The following SERPINA7 variants were observed in gnomAD, a reference collection of about 807,000 sequenced individuals.
SERPINA7 encodes the protein serpin family A member 7.
Under a neutral mutation model 16.0 loss-of-function variants are expected in SERPINA7, and 14 were observed. That is an observed-to-expected ratio of 0.88 (90% CI 0.58 to 1.37). The LOEUF is 1.37. SERPINA7 is among the 40% of genes most tolerant of loss of function. The probability of loss-of-function intolerance (pLI) is 0.00; values close to 1 mark genes in which losing one functional copy is unlikely to be tolerated. For synonymous variants in SERPINA7, 140 were observed against 111.0 expected (o/e 1.26, Z -1.65); for missense variants, 335 against 296.6 (o/e 1.13, Z -0.95).
intron 1 of SERPINA7, among the ~76,000 whole-genome samples, chrX:106,038,259 C>T (rs184047919): frequency 9.0e-6 from 1 of 111,710 alleles, no homozygotes; most frequent in African/African-American, 3.3e-5. Flanking sequence ...ATAGAGACAC[C>T]TAAGCCAGAT....
chrX:106,036,663 A>C lies in SERPINA7; in HGVS notation c.396T>G (p.Asn132Lys). 1 of 1,211,051 alleles carries C rather than the reference A, an allele frequency of 8.3e-7. No homozygotes were observed. The highest frequency in any genetic ancestry group is 1.1e-6 in the Non-Finnish European group (1 of 895,178). Residue 132 changes from asparagine to lysine, a missense_variant, in exon 2 of 5, where the codon AAT becomes AAG. Physicochemically the swap from Asn to Lys is moderately conservative, Grantham distance 94 (BLOSUM62 0). Transcript: ENST00000372563. ...PKKELELQIG[N>K]ALFIGKHLKP... ...TCAGATGCTTGCCAATGAAGAGGGC[A>C]TTTCCTATCTGCAATTCCAGTTCCT... is the stretch of plus-strand genomic sequence containing the variant.
chrX:106,033,438 T>C lies in SERPINA7; in HGVS notation c.*62A>G. The C allele has an allele frequency of 8.9e-7, 1 of 1,129,433 alleles. No individual in the cohort carries two copies. Among genetic ancestry groups the C allele is most frequent in the Non-Finnish European group, 1.2e-6 (1 of 821,186 alleles). The allele number at this position is 1,129,433 out of a possible 1,213,427, so 93.1% of individuals were successfully genotyped here. A position where few individuals can be genotyped will look rare whatever the true frequency, so the allele number is the denominator to read the frequency against. The stretch of plus-strand genomic sequence containing the variant: ...AGCTCACATCAATCACACCAGGCTA[T>C]ATTATTTATTTATTTCCCATTGCAA... On this transcript the variant is annotated 3_prime_UTR_variant, in exon 5 of 5. Transcript: ENST00000372563.
chrX:106,038,375 C>A (rs1241193296), intron 1 of SERPINA7, among the ~76,000 whole-genome samples: 2 of 111,408 alleles, frequency 1.8e-5, no homozygotes, highest in African/African-American at 6.5e-5. Flanking sequence ...CTTCTCCCTT[C>A]TCTTCATTCC....
At position 106,036,927 on chromosome X, in the gene SERPINA7, G is replaced by T. The variant is rs779828323; in HGVS notation, c.132C>A (p.Ser44=). 6.6e-6 allele frequency: 8 copies of T among 1,209,563 alleles called. 1 individual carries two copies. In the South Asian group the frequency reaches 1.4e-4, roughly 21 times the overall value. The change falls in exon 2 of 5, where the codon TCC becomes TCA. Residue 44 remains serine, a synonymous_variant. Coordinates refer to ENST00000372563, the MANE Select transcript of SERPINA7 (RefSeq NM_000354.6). ...GATTGAATGCAAAGTCAGCATTAAT[G>T]GATGACATCTTGTAGAGAGTGGCAT... ...QPNATLYKMS[S]INADFAFNLY... is the part of the protein sequence containing the mutation.
rs1390200787 is a variant in SERPINA7 at position 106,035,515 on chromosome X, T to G, written c.623-130A>C. ...TTAGGTACCTACAGTCAACCAGTTT[T>G]ACAAGTGACTGAGGATCAGGCAGAG... On this transcript the variant is annotated intron_variant, in intron 2 of 4. Coordinates refer to ENST00000372563, the MANE Select transcript of SERPINA7 (RefSeq NM_000354.6). The G allele has an allele frequency of 4.8e-6, 3 of 618,978 alleles. No individual in the cohort carries two copies. In the Admixed American group the frequency reaches 8.2e-5, roughly 17 times the overall value. The allele number at this position is 618,978 out of a possible 1,213,427, so 51.0% of individuals were successfully genotyped here. A position where few individuals can be genotyped will look rare whatever the true frequency, so the allele number is the denominator to read the frequency against.
intron 1 of SERPINA7, among the ~76,000 whole-genome samples, chrX:106,038,091 C>T (rs1381997742): frequency 9.0e-6 from 1 of 111,610 alleles, no homozygotes; most frequent in Non-Finnish European, 1.9e-5. Flanking sequence ...AGCCATTTAT[C>T]CAGCTTTCTT....
Position 106,033,160 on chromosome X carries a change from C to T in SERPINA7, c.*340G>A. On this transcript the variant is annotated 3_prime_UTR_variant, in exon 5 of 5. Coordinates refer to ENST00000372563, the MANE Select transcript of SERPINA7 (RefSeq NM_000354.6). ...GGAGTACTGGGATACGAAGACCTGA[C>T]CTGCTTTTTAGCTATTCCCCAGAAG... 2 of 278,739 alleles carry T rather than the reference C, an allele frequency of 7.2e-6. No individual in the cohort carries two copies. Among genetic ancestry groups the T allele is most frequent in the African/African-American group, 5.5e-5 (2 of 36,635 alleles). The allele number at this position is 278,739 out of a possible 1,213,427, so 23.0% of individuals were successfully genotyped here.
At position 106,033,229 on chromosome X, in the gene SERPINA7, C is replaced by A; in HGVS notation, c.*271G>T. ...TTCAACCCAGTCAAATTTATTAGAG[C>A]AAATGAGTTGAGGGGTATTCTGACA... is the stretch of plus-strand genomic sequence containing the variant. On this transcript the variant is annotated 3_prime_UTR_variant, in exon 5 of 5. Transcript: ENST00000372563. 5.5e-6 allele frequency: 2 copies of A among 363,766 alleles called. No homozygotes were observed. Among genetic ancestry groups the A allele is most frequent in the East Asian group, 9.9e-5 (2 of 20,262 alleles). The allele number at this position is 363,766 out of a possible 1,213,427, so 30.0% of individuals were successfully genotyped here. A position where few individuals can be genotyped will look rare whatever the true frequency, so the allele number is the denominator to read the frequency against.
chrX:106,036,671 T>C lies in SERPINA7; in HGVS notation c.388A>G (p.Ile130Val). The change falls in exon 2 of 5, where the codon ATA becomes GTA. Residue 130 changes from isoleucine to valine, a missense_variant. Ile to Val is a conservative substitution (Grantham distance 29). Coordinates refer to ENST00000372563, the MANE Select transcript of SERPINA7 (RefSeq NM_000354.6). ...NFPKKELELQ[I>V]GNALFIGKHL... ...TTGCCAATGAAGAGGGCATTTCCTA[T>C]CTGCAATTCCAGTTCCTTCTTTGGA... The C allele has an allele frequency of 1.7e-6, 2 of 1,211,171 alleles. No homozygotes were observed. The highest frequency in any genetic ancestry group is 2.2e-6 in the Non-Finnish European group (2 of 895,273).
rs2041450528 is a variant in SERPINA7 at position 106,036,532 on chromosome X, T to C, written c.527A>G (p.His176Arg). Residue 176 changes from histidine (H) to arginine (R), a missense_variant, in exon 2 of 5, where the codon CAT becomes CGT. Transcript: ENST00000372563. ...TTTCCCTTTGGTTTGCATCTCCACA[T>C]GACTGTTAATCTCCTGCTTGGCTGC... ...ISAAKQEINS[H>R]VEMQTKGKVV... is the part of the protein sequence containing the mutation. The C allele has an allele frequency of 8.3e-7, 1 of 1,209,607 alleles. No individual in the cohort carries two copies. The highest frequency in any genetic ancestry group is 1.7e-5 in the African/African-American group (1 of 57,198).
Position 106,037,029 on chromosome X carries a change from C to A in SERPINA7, c.30G>T (p.Leu10Phe), listed in dbSNP as rs150506462. Residue 10 changes from leucine (L) to phenylalanine (F), a missense_variant, in exon 2 of 5, where the codon TTG becomes TTT. By Grantham distance (22) the Leu-to-Phe change is conservative. Coordinates refer to ENST00000372563, the MANE Select transcript of SERPINA7 (RefSeq NM_000354.6). ...GGATTGTAGCATGAAGCCCAAGTAC[C>A]AAGAGAACCAGATACAGGAATGGTG... MSPFLYLVL[L>F]VLGLHATIHC... is the part of the protein sequence containing the mutation. 1.7e-5 allele frequency: 20 copies of A among 1,207,216 alleles called. No individual in the cohort carries two copies. The highest frequency in any genetic ancestry group is 2.3e-4 in the Middle Eastern group (1 of 4,364).
At chrX:106,035,006 G>C in intron 3 of SERPINA7, 106 bp downstream of exon 3, 1 of 933,776 alleles carries the variant, frequency 1.1e-6, no homozygotes, top group East Asian at 3.1e-5. Context: ...ATACATAGCT[G>C]TTGGGTAGTT....
chrX:106,034,113 G>A (rs976578528), intron 4 of SERPINA7, 122 bp downstream of exon 4: 3 of 666,543 alleles, frequency 4.5e-6, no homozygotes, highest in Non-Finnish European at 7.1e-6. Flanking sequence ...TCTAGCTTAG[G>A]AGGAGTCACA....
In SERPINA7 at chrX:106,035,268, A is replaced by G. The variant is rs28937312; in HGVS notation, c.740T>C (p.Leu247Pro). 4 of 1,211,049 alleles carry G rather than the reference A, an allele frequency of 3.3e-6. No individual in the cohort carries two copies. Among genetic ancestry groups the G allele is most frequent in the Non-Finnish European group, 3.4e-6 (3 of 895,007 alleles). Residue 247 changes from leucine (L) to proline (P), a missense_variant, in exon 3 of 5, where the codon CTA (leucine) becomes CCA (proline). Leu to Pro is a moderately conservative substitution (Grantham distance 98). Coordinates refer to ENST00000372563, the MANE Select transcript of SERPINA7 (RefSeq NM_000354.6). ...TGTGCAGTTCAATTCCATATCCACT[A>G]GGTGATAGTATTGTTCCATCTGGTG... Reference protein sequence around the residue: ...MMHQMEQYYHLVDMELNCTVL... With the variant: ...MMHQMEQYYHPVDMELNCTVL...
rs141593112 is a variant in SERPINA7 at position 106,036,861 on chromosome X, G to A, written c.198C>T (p.Ile66=). 1.4e-4 allele frequency: 166 copies of A among 1,209,124 alleles called. No homozygotes were observed. In the African/African-American group the frequency reaches 2.7e-3, roughly 19 times the overall value. Residue 66 remains isoleucine, a synonymous_variant, in exon 2 of 5, where the codon ATC becomes ATT. Transcript: ENST00000372563. ...CAGAAATGCTCACAGGGGAAAAGAA[G>A]ATGTTCTTATCTGGGGTCTCCACAG... ...RFTVETPDKN[I]FFSPVSISAA... is the part of the protein sequence containing the mutation.
chrX:106,036,716 GATGCTGGAAGCC>G lies in SERPINA7; in HGVS notation c.331_342del (p.Gly111_His114del), dbSNP rs752400276. 4 of 1,211,151 alleles carry G rather than the reference GATGCTGGAAGCC, an allele frequency of 3.3e-6. No homozygotes were observed. The East Asian group carries it at 8.9e-5, about 27-fold the overall frequency. ...TTTGGAAAATTCAGTGAACAGATCAGATGCTGGAAGCCATGCTGGATCTCTACCATTGGAGTG... is the reference window on the plus strand; with the variant it reads ...TTTGGAAAATTCAGTGAACAGATCAGATGCTGGATCTCTACCATTGGAGTG... On this transcript the variant is annotated inframe_deletion, in exon 2 of 5. Transcript: ENST00000372563.
Position 106,036,759 on chromosome X carries a change from G to A in SERPINA7, c.300C>T (p.Leu100=). 1 of 1,211,063 alleles carries A rather than the reference G, an allele frequency of 8.3e-7. No homozygotes were observed. Among genetic ancestry groups the A allele is most frequent in the East Asian group, 3.0e-5 (1 of 33,779 alleles). The change falls in exon 2 of 5, where the codon CTC becomes CTT. Residue 100 remains leucine (L), a synonymous_variant. Transcript: ENST00000372563. ...TEIVETLGFN[L]TDTPMVEIQH... is the part of the protein sequence containing the mutation. ...GGATCTCTACCATTGGAGTGTCTGT[G>A]AGGTTGAACCCCAAGGTCTCCACAA...
At position 106,033,280 on chromosome X, in the gene SERPINA7, T is replaced by C. The variant is rs1478037461; in HGVS notation, c.*220A>G. 2.3e-6 allele frequency: 1 copy of C among 436,029 alleles called. No homozygotes were observed. The highest frequency in any genetic ancestry group is 4.0e-6 in the Non-Finnish European group (1 of 248,745). 35.9% of individuals were successfully genotyped at this position (436,029 alleles called of 1,213,427 possible). ...AAGAGAAATATACAAACATAGAGCC[T>C]TCCTATGCTTTGGATAATAATGAAT... On this transcript the variant is annotated 3_prime_UTR_variant, in exon 5 of 5. Coordinates refer to ENST00000372563, the MANE Select transcript of SERPINA7 (RefSeq NM_000354.6).
Position 106,035,246 on chromosome X carries a change from G to A in SERPINA7, c.762C>T (p.Cys254=), listed in dbSNP as rs2041439785. The change falls in exon 3 of 5, where the codon TGC becomes TGT. Residue 254 remains cysteine, a synonymous_variant. Coordinates refer to ENST00000372563, the MANE Select transcript of SERPINA7 (RefSeq NM_000354.6). ...TGCTGTAGTCCATTTGCAGAACTGT[G>A]CAGTTCAATTCCATATCCACTAGGT... ...YYHLVDMELN[C]TVLQMDYSKN... is the part of the protein sequence containing the mutation. 1.7e-6 allele frequency: 2 copies of A among 1,209,653 alleles called. No individual in the cohort carries two copies. Among genetic ancestry groups the A allele is most frequent in the Non-Finnish European group, 2.2e-6 (2 of 894,840 alleles).
Sources: gnomAD v4.1 joint callset for allele counts (sites outside exome capture counted in the v4.1 genomes callset) on GRCh38, gnomAD v4.1.1 for gene constraint, MANE v1.5 for transcripts, NCBI Gene and HGNC (gene_info 2026-07-23, HGNC 2026-07-21) for gene names.